KCNH5: variants seen among roughly 807,000 people sequenced by gnomAD.
The protein encoded by KCNH5 is voltage-gated delayed rectifier potassium channel KCNH5.
A neutral mutation model predicts 96.1 loss-of-function variants in KCNH5; 46 were observed. The observed-to-expected ratio is 0.48, with a 90% CI of 0.38 to 0.61. The LOEUF is 0.61. KCNH5 is among the 20% of genes least tolerant of loss of function. The probability of loss-of-function intolerance (pLI) is 0.00; values close to 1 mark genes in which losing one functional copy is unlikely to be tolerated. For missense variants in KCNH5, 907 were observed against 1,225.8 expected, an observed-to-expected ratio of 0.74 and a Z score of 3.88; for synonymous variants, 439 against 449.8, an observed-to-expected ratio of 0.98 and a Z score of 0.30.
At chr14:62,785,292 C>T (rs887306516) in intron 9 of KCNH5, among the ~76,000 whole-genome samples, 3 of 152,198 alleles carry the variant, frequency 2.0e-5, no homozygotes, top group Non-Finnish European at 4.4e-5. Flanking sequence ...TAAGTCATCC[C>T]AGAAATCATA....
chr14:62,981,605 TG>T (rs971159757), intron 5 of KCNH5, among the ~76,000 whole-genome samples: 3 of 152,212 alleles, frequency 2.0e-5, no homozygotes, highest in African/African-American at 7.2e-5. Context: ...AGCAGTTATT[TG>T]GGTGAGACAC....
chr14:62,980,771 G>T, intron 6 of KCNH5, 101 bp downstream of exon 6: 1 of 1,239,008 alleles, frequency 8.1e-7, no homozygotes. Context: ...GTTGAAAGTG[G>T]TGGCTAAAAA....
intron 7 of KCNH5, among the ~76,000 whole-genome samples, chr14:62,858,043 A>C (rs761745140): frequency 3.3e-5 from 5 of 152,218 alleles, no homozygotes; most frequent in Non-Finnish European, 5.9e-5. Context: ...TTAAATGCTG[A>C]TATGAAGTCA....
intron 8 of KCNH5, among the ~76,000 whole-genome samples, chr14:62,847,043 G>A (rs950468957): frequency 1.4e-4 from 21 of 148,698 alleles, no homozygotes; most frequent in South Asian, 4.2e-4. Flanking sequence ...CTCGTGATCC[G>A]CCCACCTCGG....
chr14:62,816,686 CATAA>C (rs1886985620), intron 8 of KCNH5, among the ~76,000 whole-genome samples: 1 of 151,842 alleles, frequency 6.6e-6, no homozygotes, highest in African/African-American at 2.4e-5. Context: ...GTAATGCATG[CATAA>C]ATAATATATA....
At chr14:62,973,683 T>A (rs1184016089) in intron 6 of KCNH5, among the ~76,000 whole-genome samples, 1 of 152,056 alleles carries the variant, frequency 6.6e-6, no homozygotes, top group Admixed American at 6.5e-5. Flanking sequence ...CATAACAAAC[T>A]TAGACAGGCA....
At chr14:62,864,290 C>T (rs897330197) in intron 7 of KCNH5, among the ~76,000 whole-genome samples, 1 of 152,098 alleles carries the variant, frequency 6.6e-6, no homozygotes, top group African/African-American at 2.4e-5. Context: ...AAAGTAGAAA[C>T]TATAATTCTC....
chr14:62,742,139 G>A (rs535800154), intron 10 of KCNH5, among the ~76,000 whole-genome samples: 21 of 152,116 alleles, frequency 1.4e-4, no homozygotes, highest in East Asian at 3.9e-4. Context: ...TAGAAGCTTC[G>A]GATAACTAAC....
At chr14:62,753,109 TAGAA>T (rs1427084286) in intron 10 of KCNH5, among the ~76,000 whole-genome samples, 2 of 152,020 alleles carry the variant, frequency 1.3e-5, no homozygotes, top group Admixed American at 6.6e-5. Context: ...AGATAACACA[TAGAA>T]AGAATTCAGA....
chr14:62,929,187 C>T (rs1212741716), intron 7 of KCNH5, among the ~76,000 whole-genome samples: 1 of 142,770 alleles, frequency 7.0e-6, no homozygotes, highest in Non-Finnish European at 1.6e-5. Context: ...TCTGATTTCT[C>T]TCTGATTTTA....
rs145960019 is a variant in KCNH5, at chr14:62,777,857, A to ATT, written c.2019+1869_2019+1870dup. ...CCAATGAATGCATGTGTGTATGTGT[A>ATT]TTTGTGTGTGTGTGTGTGTGTGTAA... On this transcript the variant is annotated intron_variant, in intron 10 of 10. Coordinates refer to ENST00000322893, the MANE Select transcript of KCNH5 (RefSeq NM_139318.5). Among the ~76,000 whole-genome samples the ATT allele has an allele frequency of 1.5e-4, 14 of 94,478 alleles. No individual in the cohort carries two copies. In the East Asian group the frequency reaches 1.7e-3, roughly 11 times the overall value. The allele number at this position is 94,478 out of a possible 152,430, so 62.0% of individuals were successfully genotyped here.
At chr14:62,986,748 G>A (rs1890716073) in intron 5 of KCNH5, among the ~76,000 whole-genome samples, 1 of 152,054 alleles carries the variant, frequency 6.6e-6, no homozygotes, top group Non-Finnish European at 1.5e-5. Context: ...ATCCTTTGCA[G>A]AGTGCCAAGC....
At chr14:62,743,304 C>T (rs72476710) in intron 10 of KCNH5, among the ~76,000 whole-genome samples, 46 of 151,986 alleles carry the variant, frequency 3.0e-4, no homozygotes, top group African/African-American at 8.7e-4. Context: ...TTCTAAGTTC[C>T]CTGGGTAATT....
intron 4 of KCNH5, among the ~76,000 whole-genome samples, chr14:62,996,427 T>C (rs1055972493): frequency 1.3e-5 from 2 of 152,222 alleles, no homozygotes; most frequent in Non-Finnish European, 2.9e-5. Flanking sequence ...TTTTCTCTAA[T>C]GCTTTTCACA....
At chr14:62,958,681 T>C (rs531935641) in intron 6 of KCNH5, among the ~76,000 whole-genome samples, 1 of 152,238 alleles carries the variant, frequency 6.6e-6, no homozygotes, top group African/African-American at 2.4e-5. Flanking sequence ...CTAAATTGCT[T>C]AGCATCACTG....
chr14:63,028,109 C>CCT (rs10547361), intron 1 of KCNH5, among the ~76,000 whole-genome samples: 293 of 148,742 alleles, frequency 2.0e-3, no homozygotes, highest in Non-Finnish European at 2.7e-3. Context: ...GCTTTACAAA[C>CCT]CTCTCTCTCT....
chr14:62,957,824 C>T (rs1327023714), intron 6 of KCNH5, among the ~76,000 whole-genome samples: 3 of 152,168 alleles, frequency 2.0e-5, no homozygotes, highest in Middle Eastern at 3.2e-3. Flanking sequence ...GCCAACTCAG[C>T]GGCTGACCAC....
At chr14:62,861,470 C>T (rs564090159) in intron 7 of KCNH5, among the ~76,000 whole-genome samples, 4 of 152,046 alleles carry the variant, frequency 2.6e-5, no homozygotes, top group South Asian at 2.1e-4. Context: ...GCTATGGTTC[C>T]CAGGCTGGAA....
At chr14:63,029,891 T>C (rs1405863191) in intron 1 of KCNH5, among the ~76,000 whole-genome samples, 1 of 152,118 alleles carries the variant, frequency 6.6e-6, no homozygotes, top group Non-Finnish European at 1.5e-5. Flanking sequence ...AATAGCAAAT[T>C]AATTAAAATT....
Sources: allele counts gnomAD v4.1 joint callset (sites outside exome capture counted in the v4.1 genomes callset), GRCh38; gene constraint gnomAD v4.1.1; transcripts MANE v1.5; gene names NCBI Gene and HGNC (gene_info 2026-07-23, HGNC 2026-07-21).